The following HTR3B variants were observed in gnomAD, a reference collection of about 807,000 sequenced individuals.
HTR3B encodes the protein 5-hydroxytryptamine (serotonin) receptor 3B, ionotropic.
Under a neutral mutation model 42.8 loss-of-function variants are expected in HTR3B, and 44 were observed. The observed-to-expected ratio is 1.03, with a 90% CI of 0.81 to 1.32. The LOEUF is 1.32. Ranked by LOEUF, HTR3B falls within the 40% of genes most tolerant of loss-of-function variation. The probability of loss-of-function intolerance (pLI) is 0.00; values close to 1 mark genes in which losing one functional copy is unlikely to be tolerated. For missense variants in HTR3B, 527 were observed against 536.5 expected (o/e 0.98, Z 0.17); for synonymous variants, 203 against 209.0 (o/e 0.97, Z 0.25).
chr11:113,932,588 T>C, intron 5 of HTR3B, 130 bp downstream of exon 5: 1 of 823,998 alleles, frequency 1.2e-6, no homozygotes, highest in South Asian at 1.8e-5. Flanking sequence ...CTTCTTGCGG[T>C]TTTTTGGCTC....
intron 2 of HTR3B, among the ~76,000 whole-genome samples, chr11:113,912,213 G>A (rs1015658440): frequency 5.3e-5 from 8 of 152,144 alleles, no homozygotes; most frequent in African/African-American, 1.7e-4. Context: ...TCCTGTACGA[G>A]TCTTTTTGTG....
At chr11:113,922,519 C>T (rs1228358310) in intron 2 of HTR3B, among the ~76,000 whole-genome samples, 1 of 152,060 alleles carries the variant, frequency 6.6e-6, no homozygotes, top group East Asian at 1.9e-4. Flanking sequence ...CAGGCATGAG[C>T]CGCCGGGCTG....
At chr11:113,923,450 T>C (rs933513567) in intron 2 of HTR3B, among the ~76,000 whole-genome samples, 3 of 152,208 alleles carry the variant, frequency 2.0e-5, no homozygotes, top group African/African-American at 7.2e-5. Context: ...TTTGTTTCTA[T>C]TGAGTTTTGT....
At position 113,949,066 on chromosome 11, in the gene HTR3B, G is replaced by T. The variant is rs1489587876; in HGVS notation, c.*2929G>T. Among the ~76,000 whole-genome samples the T allele has an allele frequency of 6.6e-6, 1 of 152,152 alleles. No homozygotes were observed. The highest frequency in any genetic ancestry group is 1.5e-5 in the Non-Finnish European group (1 of 68,028). ...GCATCACAAAATAAAGATAAGACCT[G>T]CTTGCTATCAACAGATGGACTCCAG... On this transcript the variant is annotated 3_prime_UTR_variant, in exon 9 of 9. Transcript: ENST00000260191.
At chr11:113,926,369 G>T (rs527803015) in intron 2 of HTR3B, among the ~76,000 whole-genome samples, 1 of 151,866 alleles carries the variant, frequency 6.6e-6, no homozygotes, top group Non-Finnish European at 1.5e-5. Flanking sequence ...TTCAGTTCTC[G>T]TGGTTATATA....
chr11:113,902,798 T>G (rs779971686), upstream of HTR3B, among the ~76,000 whole-genome samples: 23 of 152,352 alleles, frequency 1.5e-4, no homozygotes, highest in Non-Finnish European at 2.2e-4. Context: ...TCAGATATTG[T>G]GCTTGTGTCT....
chr11:113,904,643 G>A, upstream of HTR3B: 1 of 357,010 alleles, frequency 2.8e-6, no homozygotes, highest in South Asian at 4.2e-5. Context: ...TATTCACTTA[G>A]CTATCTCCTG....
chr11:113,943,977 G>A (rs1294185671), intron 7 of HTR3B, among the ~76,000 whole-genome samples: 1 of 151,576 alleles, frequency 6.6e-6, no homozygotes. Context: ...AGGATTGCTT[G>A]AGCCCAAGAG....
At position 113,941,389 on chromosome 11, in the gene HTR3B, T is replaced by C. The variant is rs1231050789; in HGVS notation, c.697-1593T>C. On this transcript the variant is annotated intron_variant, in intron 6 of 8. Transcript: ENST00000260191. ...TTCACCTGTTTCTCTTTAGGAAGGA[T>C]GAGAATGGAGTGTGTGCTTATTAAA... Among the ~76,000 whole-genome samples, 3 of 152,152 alleles carry C rather than the reference T, an allele frequency of 2.0e-5. No individual in the cohort carries two copies. In the East Asian group the frequency reaches 5.8e-4, roughly 29 times the overall value.
chr11:113,937,157 G>A (rs769406990), intron 6 of HTR3B, among the ~76,000 whole-genome samples: 4 of 152,186 alleles, frequency 2.6e-5, no homozygotes, highest in Non-Finnish European at 4.4e-5. Context: ...GGTAGGGGCA[G>A]TTTTGCAGAG....
chr11:113,912,429 G>T (rs998671342), intron 2 of HTR3B, among the ~76,000 whole-genome samples: 1 of 152,126 alleles, frequency 6.6e-6, no homozygotes, highest in Non-Finnish European at 1.5e-5. Context: ...ATTTTTAGTA[G>T]AGACAGGGTT....
chr11:113,901,814 A>T (rs563599167), upstream of HTR3B, among the ~76,000 whole-genome samples: 2 of 152,344 alleles, frequency 1.3e-5, no homozygotes, highest in South Asian at 4.1e-4. Context: ...TTTGACTTAG[A>T]GTCATAGCTT....
intron 2 of HTR3B, among the ~76,000 whole-genome samples, chr11:113,929,415 T>C (rs1950009242): frequency 6.6e-6 from 1 of 152,178 alleles, no homozygotes; most frequent in Non-Finnish European, 1.5e-5. Context: ...GAGAGCCCAC[T>C]TTCTGACTTT....
chr11:113,930,487 CTTTTTTTTTTT>C (rs528919776), intron 2 of HTR3B, among the ~76,000 whole-genome samples: 34 of 121,932 alleles, frequency 2.8e-4, no homozygotes, highest in Middle Eastern at 4.5e-3. Context: ...TTTCTTTTCT[CTTTTTTTTTTT>C]TTTTTTTTGA....
At chr11:113,911,183 G>C (rs1949789099) in intron 2 of HTR3B, among the ~76,000 whole-genome samples, 1 of 151,972 alleles carries the variant, frequency 6.6e-6, no homozygotes. Flanking sequence ...CAGATATTAA[G>C]TGTACAAGCT....
At chr11:113,908,935 T>G in intron 1 of HTR3B, 1 of 317,166 alleles carries the variant, frequency 3.2e-6, no homozygotes, top group East Asian at 5.1e-5. Flanking sequence ...AAGTTTTGGC[T>G]AAGTGTGTAG....
At chr11:113,924,912 C>T (rs566769247) in intron 2 of HTR3B, among the ~76,000 whole-genome samples, 1 of 152,054 alleles carries the variant, frequency 6.6e-6, no homozygotes, top group South Asian at 2.1e-4. Flanking sequence ...TAAAGCAGGG[C>T]GACTATGTTT....
intron 2 of HTR3B, among the ~76,000 whole-genome samples, chr11:113,923,438 A>G (rs1949934755): frequency 6.6e-6 from 1 of 152,190 alleles, no homozygotes; most frequent in African/African-American, 2.4e-5. Flanking sequence ...GAAGAGTTTC[A>G]ATTTGTTTCT....
upstream of HTR3B, among the ~76,000 whole-genome samples, chr11:113,900,944 G>A (rs918637559): frequency 6.6e-6 from 1 of 152,006 alleles, no homozygotes; most frequent in Non-Finnish European, 1.5e-5. Flanking sequence ...GAACAGCAAG[G>A]GGAAAATCTG....
Sources: allele counts gnomAD v4.1 joint callset (sites outside exome capture counted in the v4.1 genomes callset), GRCh38; gene constraint gnomAD v4.1.1; transcripts MANE v1.5; gene names NCBI Gene and HGNC (gene_info 2026-07-23, HGNC 2026-07-21).